FGF1: variants seen among roughly 807,000 people sequenced by gnomAD.
The protein encoded by FGF1 is fibroblast growth factor 1, also known as beta-endothelial cell growth factor.
A neutral mutation model predicts 13.4 loss-of-function variants in FGF1; 9 were observed. The observed-to-expected ratio is 0.67, with a 90% CI of 0.40 to 1.17. The LOEUF (loss-of-function observed/expected upper bound fraction) is 1.17. Ranked by LOEUF, FGF1 falls within the 50% of genes most tolerant of loss-of-function variation. FGF1 has a pLI of 0.01. For missense variants in FGF1, 156 were observed against 192.7 expected (o/e 0.81, Z 1.13); for synonymous variants, 93 against 79.0 (o/e 1.18, Z -0.94).
chr5:142,632,250 G>A (rs1763494882), intron 1 of FGF1, among the ~76,000 whole-genome samples: 1 of 152,190 alleles, frequency 6.6e-6, no homozygotes, highest in Non-Finnish European at 1.5e-5. Context: ...AGAGAGAAGA[G>A]CAGTTCTTCT....
intron 1 of FGF1, among the ~76,000 whole-genome samples, chr5:142,659,681 G>A (rs1768833583): frequency 6.6e-6 from 1 of 152,222 alleles, no homozygotes; most frequent in South Asian, 2.1e-4. Flanking sequence ...TCTATAAAAT[G>A]TGAATAACAA....
At chr5:142,612,206 T>G (rs1237036139) in intron 2 of FGF1, among the ~76,000 whole-genome samples, 4 of 152,210 alleles carry the variant, frequency 2.6e-5, no homozygotes, top group Admixed American at 2.6e-4. Flanking sequence ...CCAAATCCAC[T>G]GTGGACTCCA....
At chr5:142,638,937 C>A (rs555243290) in intron 1 of FGF1, among the ~76,000 whole-genome samples, 1 of 152,050 alleles carries the variant, frequency 6.6e-6, no homozygotes, top group African/African-American at 2.4e-5. Context: ...CATTGCTAAT[C>A]ATTAGGGAAA....
chr5:142,660,416 A>G (rs1226895983), intron 1 of FGF1, among the ~76,000 whole-genome samples: 2 of 152,158 alleles, frequency 1.3e-5, no homozygotes, highest in Non-Finnish European at 2.9e-5. Context: ...TGGCTGGGTC[A>G]GGGCCCAGGG....
At position 142,648,641 on chromosome 5, in the gene FGF1, G is replaced by C. The variant is rs563248191; in HGVS notation, c.-34-34480C>G. On this transcript the variant is annotated intron_variant, in intron 1 of 3. Transcript: ENST00000337706. ...CTGCATGTTCTGTACATGTATCCCAGAACTTAAAGTATAATAATAAAAAAA... is the reference window on the plus strand; with the variant it reads ...CTGCATGTTCTGTACATGTATCCCACAACTTAAAGTATAATAATAAAAAAA... Among the ~76,000 whole-genome samples the C allele has an allele frequency of 5.0e-4, 47 of 94,380 alleles. No homozygotes were observed. The South Asian group carries it at 0.01, about 21-fold the overall frequency. 61.9% of individuals were successfully genotyped at this position (94,380 alleles called of 152,430 possible).
chr5:142,676,813 A>C (rs1363315863), intron 1 of FGF1, among the ~76,000 whole-genome samples: 1 of 152,222 alleles, frequency 6.6e-6, no homozygotes, highest in Non-Finnish European at 1.5e-5. Context: ...TGAAGATTTC[A>C]TCCTTGGAAA....
chr5:142,614,513 G>A (rs928855736), intron 1 of FGF1, among the ~76,000 whole-genome samples: 5 of 152,282 alleles, frequency 3.3e-5, no homozygotes, highest in African/African-American at 1.2e-4. Flanking sequence ...AAACACCAAA[G>A]TTGCACTAAA....
intron 1 of FGF1, among the ~76,000 whole-genome samples, chr5:142,661,039 A>G (rs17216902): frequency 0.01 from 1,543 of 152,310 alleles, 28 homozygotes; most frequent in African/African-American, 0.036. Flanking sequence ...ATATCTGCAA[A>G]ATATTATCCA....
At chr5:142,595,813 C>T (rs1755131597) in intron 3 of FGF1, among the ~76,000 whole-genome samples, 1 of 152,226 alleles carries the variant, frequency 6.6e-6, no homozygotes, top group African/African-American at 2.4e-5. Flanking sequence ...CCACTGGGGA[C>T]ATTCTGCTCG....
chr5:142,608,548 A>C (rs1430794090), intron 2 of FGF1, among the ~76,000 whole-genome samples: 84 of 48,018 alleles, frequency 1.7e-3, no homozygotes, highest in South Asian at 2.0e-3. Flanking sequence ...ACATCTATAT[A>C]TATATATATA....
At chr5:142,688,051 T>A (rs1004943712), upstream of FGF1, among the ~76,000 whole-genome samples, 2 of 152,316 alleles carry the variant, frequency 1.3e-5, no homozygotes, top group Admixed American at 6.5e-5. Context: ...TTATTTTATT[T>A]CTCCATTATG....
chr5:142,605,606 C>T (rs1304176568), intron 2 of FGF1, among the ~76,000 whole-genome samples: 1 of 152,176 alleles, frequency 6.6e-6, no homozygotes, highest in African/African-American at 2.4e-5. Flanking sequence ...TAGCACATGA[C>T]TTCAGCCCTC....
upstream of FGF1, among the ~76,000 whole-genome samples, chr5:142,688,721 G>C (rs760674127): frequency 6.6e-6 from 1 of 152,192 alleles, no homozygotes; most frequent in Non-Finnish European, 1.5e-5. Context: ...AATTCTAGTA[G>C]GTTTATCCAC....
intron 1 of FGF1, among the ~76,000 whole-genome samples, chr5:142,615,753 A>C (rs1760100432): frequency 6.6e-6 from 1 of 152,238 alleles, no homozygotes. Flanking sequence ...AACAGCTAGT[A>C]AGCGATGGAG....
chr5:142,636,214 C>T (rs190490348), intron 1 of FGF1, among the ~76,000 whole-genome samples: 11 of 152,342 alleles, frequency 7.2e-5, no homozygotes, highest in African/African-American at 2.6e-4. Flanking sequence ...CTCCACAGTT[C>T]TGCTTTGCTG....
intron 2 of FGF1, among the ~76,000 whole-genome samples, chr5:142,691,286 T>G (rs111813133): frequency 0.17 from 26,497 of 151,724 alleles, 2,472 homozygotes; most frequent in Non-Finnish European, 0.19. Flanking sequence ...GCCAGGCATG[T>G]TGGCTGGCGT....
intron 1 of FGF1, among the ~76,000 whole-genome samples, chr5:142,675,013 C>T (rs531888791): frequency 1.3e-5 from 2 of 152,252 alleles, no homozygotes; most frequent in South Asian, 2.1e-4. Flanking sequence ...AAGGTGAAGC[C>T]GCCCTCCAAA....
chr5:142,644,005 C>G (rs988921743), intron 1 of FGF1: 2 of 152,206 alleles, frequency 1.3e-5, no homozygotes, highest in African/African-American at 4.8e-5. Context: ...AACATTTTCC[C>G]GACTTAGCTA....
chr5:142,625,226 C>T (rs1762256544), intron 1 of FGF1, among the ~76,000 whole-genome samples: 11 of 151,910 alleles, frequency 7.2e-5, no homozygotes. Flanking sequence ...GGAAGTGGGG[C>T]TGTTATCTAA....
Sources: gnomAD v4.1 joint callset for allele counts (sites outside exome capture counted in the v4.1 genomes callset) on GRCh38, gnomAD v4.1.1 for gene constraint, MANE v1.5 for transcripts, NCBI Gene and HGNC (gene_info 2026-07-23, HGNC 2026-07-21) for gene names.